Variants in PSD3 observed in about 807,000 individuals in gnomAD.
PSD3 encodes PH and SEC7 domain-containing protein 3.
A neutral mutation model predicts 105.5 loss-of-function variants in PSD3; 49 were observed. The ratio of observed to expected loss-of-function variants is 0.46; its 90% confidence interval spans 0.37 to 0.59. The LOEUF is 0.59. Ranked by LOEUF, PSD3 falls within the 20% of genes least tolerant of loss-of-function variation. The pLI is 0.00. For synonymous variants in PSD3, 557 were observed against 457.8 expected (o/e 1.22, Z -2.77); for missense variants, 1,561 against 1,263.8 (o/e 1.24, Z -3.57).
intron 4 of PSD3, among the ~76,000 whole-genome samples, chr8:18,820,435 C>T (rs1323594456): frequency 6.6e-6 from 1 of 152,054 alleles, no homozygotes; most frequent in Non-Finnish European, 1.5e-5. Context: ...CTACAAAATA[C>T]CAAAATCCAT....
At position 18,957,264 on chromosome 8, in the gene PSD3, G is replaced by A. The variant is rs145418067; in HGVS notation, c.22-21122C>T. Among the ~76,000 whole-genome samples, 452 of 152,030 alleles carry A rather than the reference G, an allele frequency of 3.0e-3. 3 individuals carry two copies. Among genetic ancestry groups the A allele is most frequent in the African/African-American group, 0.01 (427 of 41,458 alleles). Reference sequence around the variant, plus strand: ...CGCGCGCCTGTAGTCCCAGCTACTCGGGAGGCTGAGGCAGGAGAATCACTT... The same window carrying A: ...CGCGCGCCTGTAGTCCCAGCTACTCAGGAGGCTGAGGCAGGAGAATCACTT... On this transcript the variant is annotated intron_variant, in intron 1 of 15. Coordinates refer to ENST00000327040, the MANE Select transcript of PSD3 (RefSeq NM_015310.4).
intron 9 of PSD3, among the ~76,000 whole-genome samples, chr8:18,693,639 G>A (rs1005218829): frequency 1.3e-5 from 2 of 152,174 alleles, no homozygotes; most frequent in African/African-American, 4.8e-5. Flanking sequence ...ACTCAGAGTC[G>A]GTGACAGAGC....
intron 1 of PSD3, among the ~76,000 whole-genome samples, chr8:18,985,265 C>G (rs1278513837): frequency 6.6e-6 from 1 of 152,094 alleles, no homozygotes; most frequent in Non-Finnish European, 1.5e-5. Flanking sequence ...GAGGGCTGCC[C>G]TGTCTTTACC....
At chr8:18,718,434 G>C (rs992606438) in intron 9 of PSD3, among the ~76,000 whole-genome samples, 3 of 152,140 alleles carry the variant, frequency 2.0e-5, no homozygotes, top group African/African-American at 7.2e-5. Flanking sequence ...GCAGAGACAG[G>C]GATTACAAAG....
At chr8:19,026,662 C>T (rs1055250287) in intron 1 of PSD3, among the ~76,000 whole-genome samples, 1 of 124,286 alleles carries the variant, frequency 8.0e-6, no homozygotes, top group Non-Finnish European at 1.6e-5. Context: ...GCCAGGAGTT[C>T]GAGACTAGCC....
chr8:18,741,140 G>C (rs1804538485), intron 9 of PSD3, among the ~76,000 whole-genome samples: 1 of 152,218 alleles, frequency 6.6e-6, no homozygotes, highest in Admixed American at 6.5e-5. Context: ...AGGGAGATGA[G>C]AGTAAGTGGT....
chr8:18,558,723 A>C (rs1411484184), intron 14 of PSD3, among the ~76,000 whole-genome samples: 1 of 152,176 alleles, frequency 6.6e-6, no homozygotes, highest in Non-Finnish European at 1.5e-5. Flanking sequence ...CAGGAGGCTG[A>C]GGCAGGAGAA....
rs1563331042 is a variant in PSD3 at position 18,838,818 on chromosome 8, AATAAT to A, written c.1634+28851_1634+28855del. 5.1e-4 allele frequency among the ~76,000 whole-genome samples: 75 copies of A among 145,932 alleles called. 1 individual carries two copies. The South Asian group carries it at 0.013, about 25-fold the overall frequency. The stretch of plus-strand genomic sequence containing the variant: ...CTCCGTCTCAAATAATAATAATAAT[AATAAT>A]AATAATAATAATAATAATAATAATA... On this transcript the variant is annotated intron_variant, in intron 4 of 15. Coordinates refer to ENST00000327040, the MANE Select transcript of PSD3 (RefSeq NM_015310.4).
chr8:18,993,990 G>A (rs1165307498), intron 1 of PSD3, among the ~76,000 whole-genome samples: 3 of 151,940 alleles, frequency 2.0e-5, no homozygotes, highest in Non-Finnish European at 4.4e-5. Context: ...GTGCTGAGAA[G>A]GCAGTCTGGC....
intron 10 of PSD3, among the ~76,000 whole-genome samples, chr8:18,647,182 C>A (rs150496741): frequency 1.3e-4 from 20 of 152,250 alleles, no homozygotes; most frequent in African/African-American, 4.1e-4. Context: ...CCTGAAAAGA[C>A]CAGTCATGAC....
chr8:18,541,185 C>A (rs867784911), intron 15 of PSD3, among the ~76,000 whole-genome samples: 2 of 150,932 alleles, frequency 1.3e-5, no homozygotes, highest in African/African-American at 4.9e-5. Context: ...TTTTGATTTC[C>A]TCCTTTGCCC....
chr8:18,686,810 C>G (rs1395869392), intron 9 of PSD3, among the ~76,000 whole-genome samples: 2 of 152,142 alleles, frequency 1.3e-5, no homozygotes, highest in Non-Finnish European at 2.9e-5. Context: ...GAAGCTTTCC[C>G]GAATGACCCT....
chr8:18,908,095 A>G (rs907636739), intron 2 of PSD3, among the ~76,000 whole-genome samples: 1 of 152,196 alleles, frequency 6.6e-6, no homozygotes, highest in African/African-American at 2.4e-5. Context: ...GAATTTCAAA[A>G]ATAGCCAAAT....
rs548925989 is a variant in PSD3 at position 18,704,810 on chromosome 8, C to G, written c.2173-49125G>C. On this transcript the variant is annotated intron_variant, in intron 9 of 15. Transcript: ENST00000327040. ...AGTAGAAAAATAATATGTTAAAAGA[C>G]AAACCAGCAAAAATATAAGCAGCAT... Among the ~76,000 whole-genome samples the G allele has an allele frequency of 2.6e-5, 4 of 151,868 alleles. No individual in the cohort carries two copies. In the South Asian group the frequency reaches 8.3e-4, roughly 32 times the overall value.
intron 8 of PSD3, among the ~76,000 whole-genome samples, chr8:18,767,497 C>T (rs574672803): frequency 6.6e-6 from 1 of 152,176 alleles, no homozygotes; most frequent in African/African-American, 2.4e-5. Flanking sequence ...CCTGTAATCC[C>T]AGCACTTTCG....
chr8:19,080,899 T>C (rs1460043877), intron 1 of PSD3, among the ~76,000 whole-genome samples: 3 of 152,098 alleles, frequency 2.0e-5, no homozygotes, highest in South Asian at 2.1e-4. Context: ...ACACAAAATA[T>C]GTAAAATATG....
Position 18,943,273 on chromosome 8 carries a change from G to A in PSD3, c.22-7131C>T, listed in dbSNP as rs1016124819. ...TAACAGGTTTATGGGGAAGGGAGAC[G>A]TCCAGTGTAAAAAGGAAAAAGAAAA... On this transcript the variant is annotated intron_variant, in intron 1 of 15. Coordinates refer to ENST00000327040, the MANE Select transcript of PSD3 (RefSeq NM_015310.4). Among the ~76,000 whole-genome samples the A allele has an allele frequency of 5.9e-5, 9 of 152,208 alleles. No homozygotes were observed. In the South Asian group the frequency reaches 1.0e-3, roughly 18 times the overall value.
At chr8:18,636,310 A>T (rs902827275) in intron 10 of PSD3, among the ~76,000 whole-genome samples, 1 of 152,136 alleles carries the variant, frequency 6.6e-6, no homozygotes, top group African/African-American at 2.4e-5. Flanking sequence ...AAAAAGGCAA[A>T]ATTTCAAAAA....
rs750257833 is a variant in PSD3, at chr8:18,867,686, G to T, written c.1622C>A (p.Ala541Asp). 1.2e-6 allele frequency: 2 copies of T among 1,609,506 alleles called. No individual in the cohort carries two copies. Among genetic ancestry groups the T allele is most frequent in the Non-Finnish European group, 1.7e-6 (2 of 1,177,016 alleles). ...ATGGGACGAGTACCTTCCCCAGAAA[G>T]CAATCTCCGGGGTGCCTTTCGTGTA... The part of the protein sequence containing the change: ...SIYTKGTPEI[A>D]FWGSNAGVKT... Residue 541 changes from alanine to aspartate, a missense_variant, in exon 4 of 16, where the codon GCT (alanine) becomes GAT (aspartate). By Grantham distance (126) the Ala-to-Asp change is moderately radical (BLOSUM62 -2). Coordinates refer to ENST00000327040, the MANE Select transcript of PSD3 (RefSeq NM_015310.4).
Sources: gnomAD v4.1 joint callset for allele counts (sites outside exome capture counted in the v4.1 genomes callset) on GRCh38, gnomAD v4.1.1 for gene constraint, MANE v1.5 for transcripts, NCBI Gene and HGNC (gene_info 2026-07-23, HGNC 2026-07-21) for gene names.